ARHGEF26: variants seen among roughly 807,000 people sequenced by gnomAD.
The protein encoded by ARHGEF26 is Rho guanine nucleotide exchange factor (GEF) 26.
A neutral mutation model predicts 89.4 loss-of-function variants in ARHGEF26; 59 were observed. That is an observed-to-expected ratio of 0.66 (90% CI 0.54 to 0.82). The LOEUF (loss-of-function observed/expected upper bound fraction) is 0.82. Among genes scored for constraint, ARHGEF26 ranks in the 40% least tolerant of loss-of-function variants. The pLI is 0.00. For missense variants in ARHGEF26, 1,234 were observed against 1,085.6 expected (o/e 1.14, Z -1.92); for synonymous variants, 500 against 428.4 (o/e 1.17, Z -2.06).
chr3:154,160,668 C>CATTGATTG (rs141828296), intron 6 of ARHGEF26, among the ~76,000 whole-genome samples: 3 of 151,986 alleles, frequency 2.0e-5, no homozygotes, highest in African/African-American at 7.2e-5. Flanking sequence ...AAAGGTGGTG[C>CATTGATTG]ATTGATTGAT....
chr3:154,254,946 C>A, intron 14 of ARHGEF26, 122 bp downstream of exon 14: 1 of 823,450 alleles, frequency 1.2e-6, no homozygotes, highest in Non-Finnish European at 2.0e-6. Flanking sequence ...TGTTTGAGAT[C>A]ACATATATGT....
intron 4 of ARHGEF26, among the ~76,000 whole-genome samples, chr3:154,132,688 T>A (rs1718753272): frequency 6.6e-6 from 1 of 152,078 alleles, no homozygotes; most frequent in Non-Finnish European, 1.5e-5. Context: ...CAGAAGACTT[T>A]CAACTTTAAT....
intron 9 of ARHGEF26, among the ~76,000 whole-genome samples, chr3:154,217,262 G>C (rs1284160884): frequency 1.3e-5 from 2 of 150,884 alleles, no homozygotes; most frequent in African/African-American, 4.9e-5. Context: ...TTGTGGTTTT[G>C]ATTTGCATTT....
chr3:154,144,960 T>A (rs1559859379), intron 4 of ARHGEF26, among the ~76,000 whole-genome samples: 1 of 152,208 alleles, frequency 6.6e-6, no homozygotes, highest in East Asian at 1.9e-4. Context: ...AAAAAAAGCG[T>A]TCTCTCTCTC....
At chr3:154,241,492 A>C (rs181988220) in intron 12 of ARHGEF26, among the ~76,000 whole-genome samples, 1 of 152,344 alleles carries the variant, frequency 6.6e-6, no homozygotes, top group Non-Finnish European at 1.5e-5. Context: ...TCACCTTAAG[A>C]CTGATTTTAA....
chr3:154,202,084 C>G (rs1436470303), intron 9 of ARHGEF26, among the ~76,000 whole-genome samples: 1 of 152,116 alleles, frequency 6.6e-6, no homozygotes, highest in Non-Finnish European at 1.5e-5. Flanking sequence ...TTGCCCATGC[C>G]TATGTCCTGA....
chr3:154,202,561 G>A (rs1172362492), intron 9 of ARHGEF26, among the ~76,000 whole-genome samples: 2 of 152,006 alleles, frequency 1.3e-5, no homozygotes, highest in Non-Finnish European at 2.9e-5. Flanking sequence ...AGCTTGATGG[G>A]GATGGCATTG....
At chr3:154,235,070 CCA>C (rs1418124967) in intron 11 of ARHGEF26, among the ~76,000 whole-genome samples, 1 of 151,056 alleles carries the variant, frequency 6.6e-6, no homozygotes, top group Non-Finnish European at 1.5e-5. Context: ...TTTTTTTTTT[CCA>C]CAATCTTTCT....
At chr3:154,237,538 T>TCACAAA (rs1553751367) in intron 11 of ARHGEF26, among the ~76,000 whole-genome samples, 1 of 143,202 alleles carries the variant, frequency 7.0e-6, no homozygotes, top group Non-Finnish European at 1.5e-5. Flanking sequence ...TGAGACTCCG[T>TCACAAA]CACACACACA....
At chr3:154,214,135 A>G (rs1225233484) in intron 9 of ARHGEF26, among the ~76,000 whole-genome samples, 1 of 152,200 alleles carries the variant, frequency 6.6e-6, no homozygotes, top group Non-Finnish European at 1.5e-5. Flanking sequence ...GAGGCCCCAC[A>G]TGGGAGCAGT....
intron 9 of ARHGEF26, among the ~76,000 whole-genome samples, chr3:154,209,590 T>C (rs554156631): frequency 7.2e-5 from 11 of 152,342 alleles, no homozygotes; most frequent in African/African-American, 2.6e-4. Flanking sequence ...CTTCCCTTAC[T>C]GTCTCCCAGA....
intron 3 of ARHGEF26, among the ~76,000 whole-genome samples, chr3:154,127,263 T>C (rs1188760850): frequency 6.6e-6 from 1 of 152,232 alleles, no homozygotes. Flanking sequence ...AATTTTTGAA[T>C]CTTTTCAACT....
chr3:154,170,238 T>C (rs186733625), intron 6 of ARHGEF26, among the ~76,000 whole-genome samples: 86 of 152,198 alleles, frequency 5.7e-4, no homozygotes, highest in Admixed American at 1.1e-3. Context: ...GGTGCATTCC[T>C]GTAGTCCCAG....
chr3:154,187,906 T>G, intron 7 of ARHGEF26, 69 bp downstream of exon 7: 1 of 1,369,314 alleles, frequency 7.3e-7, no homozygotes, highest in Non-Finnish European at 9.8e-7. Context: ...TTGACTGAAA[T>G]TAATTGATCT....
intron 3 of ARHGEF26, among the ~76,000 whole-genome samples, chr3:154,128,534 C>A (rs995293352): frequency 6.6e-6 from 1 of 152,110 alleles, no homozygotes; most frequent in Admixed American, 6.5e-5. Context: ...CCACCATGCC[C>A]GCCGGCCTCA....
intron 6 of ARHGEF26, among the ~76,000 whole-genome samples, chr3:154,164,364 A>G (rs1039906754): frequency 3.3e-5 from 5 of 152,038 alleles, no homozygotes; most frequent in Non-Finnish European, 7.4e-5. Flanking sequence ...AAATCATGTA[A>G]GCCTTGTTTT....
intron 4 of ARHGEF26, among the ~76,000 whole-genome samples, chr3:154,130,943 A>C (rs980541688): frequency 2.6e-5 from 4 of 152,122 alleles, no homozygotes; most frequent in African/African-American, 9.7e-5. Flanking sequence ...GTGGGAGACA[A>C]CTTCTGCTTC....
At chr3:154,187,513 TGATA>T (rs1713654520) in intron 6 of ARHGEF26, among the ~76,000 whole-genome samples, 168 bp from the exon 7 acceptor site, 1 of 151,974 alleles carries the variant, frequency 6.6e-6, no homozygotes, top group South Asian at 2.1e-4. Context: ...GGTGTTAATA[TGATA>T]GATTTAAACT....
chr3:154,135,867 C>G (rs1445919677), intron 4 of ARHGEF26, among the ~76,000 whole-genome samples: 1 of 152,164 alleles, frequency 6.6e-6, no homozygotes, highest in Non-Finnish European at 1.5e-5. Context: ...AGTACCCCCT[C>G]CACCTCTCCA....
Sources: allele counts gnomAD v4.1 joint callset (sites outside exome capture counted in the v4.1 genomes callset), GRCh38; gene constraint gnomAD v4.1.1; transcripts MANE v1.5; gene names NCBI Gene and HGNC (gene_info 2026-07-23, HGNC 2026-07-21).